Variants in CEP85L observed in about 807,000 individuals in gnomAD.
CEP85L encodes the protein centrosomal protein 85L, also known as centrosomal protein of 85 kDa-like.
In CEP85L, 60 loss-of-function variants were observed where a neutral mutation model predicts 100.3. That is an observed-to-expected ratio of 0.60 (90% CI 0.49 to 0.74). The LOEUF is 0.74. Among genes scored for constraint, CEP85L ranks in the 30% least tolerant of loss-of-function variants. The pLI is 0.00. For synonymous variants in CEP85L, 319 were observed against 322.7 expected, an observed-to-expected ratio of 0.99 and a Z score of 0.12; for missense variants, 973 against 936.2, an observed-to-expected ratio of 1.04 and a Z score of -0.51.
intron 1 of CEP85L, among the ~76,000 whole-genome samples, chr6:118,685,403 G>C (rs2638531): frequency 0.042 from 6,396 of 152,134 alleles, 232 homozygotes; most frequent in African/African-American, 0.095. Flanking sequence ...GTGATGTATA[G>C]TGTTCCTTTT....
intron 8 of CEP85L, among the ~76,000 whole-genome samples, chr6:118,481,461 C>A (rs957683743): frequency 6.6e-6 from 1 of 152,054 alleles, no homozygotes; most frequent in African/African-American, 2.4e-5. Flanking sequence ...AACCTGAAAT[C>A]TGAAATGTGT....
intron 2 of CEP85L, among the ~76,000 whole-genome samples, chr6:118,616,710 G>T (rs966592830): frequency 1.3e-5 from 2 of 151,864 alleles, no homozygotes; most frequent in African/African-American, 4.8e-5. Context: ...ACTTTGGGAG[G>T]CTGAGGCAGG....
intron 2 of CEP85L, among the ~76,000 whole-genome samples, chr6:118,620,211 C>G (rs112235540): frequency 6.6e-6 from 1 of 152,272 alleles, no homozygotes; most frequent in African/African-American, 2.4e-5. Context: ...ATTTATCACC[C>G]AATCAGCGGC....
chr6:118,569,076 C>T (rs1468662209), intron 2 of CEP85L, among the ~76,000 whole-genome samples: 2 of 151,890 alleles, frequency 1.3e-5, no homozygotes, highest in African/African-American at 4.8e-5. Context: ...GGCAGTGGCT[C>T]ACACCTGTAA....
intron 3 of CEP85L, among the ~76,000 whole-genome samples, chr6:118,561,975 T>C (rs1385218108): frequency 6.6e-6 from 1 of 152,206 alleles, no homozygotes; most frequent in East Asian, 1.9e-4. Flanking sequence ...TCTGCTCTTC[T>C]GCTAAGTAAC....
intron 2 of CEP85L, among the ~76,000 whole-genome samples, chr6:118,581,360 T>C (rs866498784): frequency 2.0e-5 from 3 of 151,972 alleles, no homozygotes; most frequent in Middle Eastern, 6.8e-3. Context: ...GGATATAGAG[T>C]TCAATCTAGC....
chr6:118,685,887 G>T (rs1776812847), intron 1 of CEP85L, among the ~76,000 whole-genome samples: 1 of 152,218 alleles, frequency 6.6e-6, no homozygotes, highest in Non-Finnish European at 1.5e-5. Context: ...ACGAAAAAGT[G>T]CACGGGTTAA....
chr6:118,661,165 G>A (rs1263891559), intron 1 of CEP85L, among the ~76,000 whole-genome samples: 1 of 152,168 alleles, frequency 6.6e-6, no homozygotes, highest in East Asian at 1.9e-4. Flanking sequence ...GATTACAGGT[G>A]TGAGCCACCG....
At chr6:118,495,656 A>ATGCTGTTCTG (rs1774872754) in intron 5 of CEP85L, among the ~76,000 whole-genome samples, 2 of 152,228 alleles carry the variant, frequency 1.3e-5, no homozygotes, top group African/African-American at 4.8e-5. Context: ...AGAACAGACT[A>ATGCTGTTCTG]ATACAAAGCC....
intron 4 of CEP85L, among the ~76,000 whole-genome samples, chr6:118,522,204 TA>T (rs898261692): frequency 6.6e-6 from 1 of 152,004 alleles, no homozygotes; most frequent in African/African-American, 2.4e-5. Context: ...CTACTAAAAA[TA>T]CAAAATTAGC....
intron 1 of CEP85L, among the ~76,000 whole-genome samples, chr6:118,699,454 C>A (rs78299186): frequency 5.6e-4 from 77 of 138,620 alleles, no homozygotes; most frequent in South Asian, 4.8e-4. Flanking sequence ...GACCTTGTCT[C>A]AAAAAAAAAA....
chr6:118,521,247 A>ACT (rs1424251626), intron 4 of CEP85L, among the ~76,000 whole-genome samples: 2 of 152,090 alleles, frequency 1.3e-5, no homozygotes, highest in African/African-American at 4.8e-5. Flanking sequence ...AAAGGCCATT[A>ACT]CTCTCATCTG....
At position 118,566,234 on chromosome 6, in the gene CEP85L, A is replaced by C. The variant is rs760001541; in HGVS notation, c.315T>G (p.Ser105=). The C allele has an allele frequency of 1.2e-6, 2 of 1,614,180 alleles. No homozygotes were observed. The highest frequency in any genetic ancestry group is 1.7e-6 in the Non-Finnish European group (2 of 1,179,984). Residue 105 remains serine, a synonymous_variant, in exon 3 of 13, where the codon TCT becomes TCG. Coordinates refer to ENST00000368491, the MANE Select transcript of CEP85L (RefSeq NM_001042475.3). ...ITLPTAHVMP[S]NSSASISKLR... is the part of the protein sequence containing the mutation. ...GTTTGGAAATTGAAGCGCTGGAATT[A>C]GACGGCATCACATGGGCAGTAGGAA...
intron 1 of CEP85L, among the ~76,000 whole-genome samples, chr6:118,667,341 G>A (rs1477389098): frequency 6.6e-6 from 1 of 152,108 alleles, no homozygotes; most frequent in Non-Finnish European, 1.5e-5. Context: ...CTGCTCTAAG[G>A]TTTGATTTCC....
rs1291133551 is a variant in CEP85L at position 118,515,158 on chromosome 6, TTAA to T, written c.1140-3746_1140-3744del. ...TATTGCCAGGGACAAAAATTATAAC[TTAA>T]TAATAATAAAAAGATCAATTCATTA... On this transcript the variant is annotated intron_variant, in intron 4 of 12. Transcript: ENST00000368491. 9.9e-5 allele frequency among the ~76,000 whole-genome samples: 15 copies of T among 152,108 alleles called. No individual in the cohort carries two copies. The East Asian group carries it at 2.9e-3, about 29-fold the overall frequency.
At chr6:118,568,740 A>G (rs1056000367) in intron 2 of CEP85L, among the ~76,000 whole-genome samples, 1 of 152,244 alleles carries the variant, frequency 6.6e-6, no homozygotes, top group Non-Finnish European at 1.5e-5. Flanking sequence ...TTAACAGACT[A>G]TTCTGGTAAT....
At position 118,477,984 on chromosome 6, in the gene CEP85L, C is replaced by T. The variant is rs186420488; in HGVS notation, c.1914+1887G>A. Among the ~76,000 whole-genome samples the T allele has an allele frequency of 1.9e-3, 288 of 152,168 alleles. 1 individual carries two copies. Among genetic ancestry groups the T allele is most frequent in the African/African-American group, 6.6e-3 (276 of 41,534 alleles). On this transcript the variant is annotated intron_variant, in intron 10 of 12. Coordinates refer to ENST00000368491, the MANE Select transcript of CEP85L (RefSeq NM_001042475.3). ...CATATGGAAAGGACATCATAATCTA[C>T]ATAGGTATAAGCTGACCATTCTTTA...
chr6:118,550,868 A>T (rs1032033153), intron 3 of CEP85L, among the ~76,000 whole-genome samples: 9 of 151,918 alleles, frequency 5.9e-5, no homozygotes, highest in Non-Finnish European at 1.2e-4. Context: ...TTACATTCTT[A>T]ATAGTCTAAA....
chr6:118,507,378 T>C lies in CEP85L; in HGVS notation c.1257+3920A>G, dbSNP rs1316430064. On this transcript the variant is annotated intron_variant, in intron 5 of 12. Transcript: ENST00000368491. ...AAATGTTCACATAACTTTTGGACTATTGAGACAGCTTCCTGACTGGTTTCC... is the reference window on the plus strand; with the variant it reads ...AAATGTTCACATAACTTTTGGACTACTGAGACAGCTTCCTGACTGGTTTCC... Among the ~76,000 whole-genome samples the C allele has an allele frequency of 5.3e-5, 8 of 152,200 alleles. No individual in the cohort carries two copies. In the East Asian group the frequency reaches 1.2e-3, roughly 22 times the overall value.
Sources: allele counts gnomAD v4.1 joint callset (sites outside exome capture counted in the v4.1 genomes callset), GRCh38; gene constraint gnomAD v4.1.1; transcripts MANE v1.5; gene names NCBI Gene and HGNC (gene_info 2026-07-23, HGNC 2026-07-21).